The following RASSF3 variants were observed in gnomAD, a reference collection of about 807,000 sequenced individuals.
The protein encoded by RASSF3 is ras association domain-containing protein 3.
RASSF3 carries 19 observed loss-of-function variants against 19.9 expected under a neutral mutation model. That is an observed-to-expected ratio of 0.96 (90% CI 0.67 to 1.40). The LOEUF is 1.40. Ranked by LOEUF, RASSF3 falls within the 40% of genes most tolerant of loss-of-function variation. The probability of loss-of-function intolerance (pLI) is 0.00; values close to 1 mark genes in which losing one functional copy is unlikely to be tolerated. For synonymous variants in RASSF3, 110 were observed against 104.2 expected (o/e 1.06, Z -0.34); for missense variants, 306 against 289.8 (o/e 1.06, Z -0.41).
At chr12:64,600,324 C>T (rs1870071681) in intron 2 of RASSF3, among the ~76,000 whole-genome samples, 1 of 152,036 alleles carries the variant, frequency 6.6e-6, no homozygotes, top group Admixed American at 6.6e-5. Context: ...TACGCACACA[C>T]ATCACCACCA....
upstream of RASSF3, among the ~76,000 whole-genome samples, chr12:64,530,714 C>T (rs1868690877): frequency 6.6e-6 from 1 of 152,232 alleles, no homozygotes; most frequent in Admixed American, 6.5e-5. Flanking sequence ...AGTTGCTCCA[C>T]ATCCTCACCA....
intron 2 of RASSF3, among the ~76,000 whole-genome samples, chr12:64,556,732 A>C (rs1869262057): frequency 6.6e-6 from 1 of 151,322 alleles, no homozygotes; most frequent in Non-Finnish European, 1.5e-5. Flanking sequence ...CAGACTGGGG[A>C]GCAGCTCCTC....
At chr12:64,648,174 G>A (rs962460935) in intron 1 of RASSF3, among the ~76,000 whole-genome samples, 2 of 152,214 alleles carry the variant, frequency 1.3e-5, no homozygotes. Context: ...GTACATGTGT[G>A]ACAGGCATAA....
chr12:64,650,051 C>G (rs1871884563), intron 1 of RASSF3, among the ~76,000 whole-genome samples: 1 of 152,196 alleles, frequency 6.6e-6, no homozygotes. Flanking sequence ...AATTTACGCA[C>G]CAGCATTGTT....
chr12:64,683,357 G>A (rs191585356), intron 1 of RASSF3, among the ~76,000 whole-genome samples: 2 of 152,326 alleles, frequency 1.3e-5, no homozygotes, highest in Admixed American at 1.3e-4. Context: ...TTGTGATCAT[G>A]TCTGCTACTG....
chr12:64,673,020 C>T (rs1872754837), intron 1 of RASSF3, among the ~76,000 whole-genome samples: 1 of 152,212 alleles, frequency 6.6e-6, no homozygotes, highest in South Asian at 2.1e-4. Flanking sequence ...TTCGTGCTTC[C>T]TGTCTGGCTC....
chr12:64,513,499 G>A (rs916997286), intron 1 of RASSF3, among the ~76,000 whole-genome samples: 5 of 149,762 alleles, frequency 3.3e-5, no homozygotes, highest in South Asian at 2.1e-4. Flanking sequence ...ACCAAAGTCC[G>A]ATTAGAACTC....
At chr12:64,538,705 A>G (rs1327665498) in intron 1 of RASSF3, among the ~76,000 whole-genome samples, 1 of 152,208 alleles carries the variant, frequency 6.6e-6, no homozygotes, top group Non-Finnish European at 1.5e-5. Context: ...ACCAAACAGA[A>G]TTGATCATTG....
At chr12:64,667,590 G>C (rs1872569989) in intron 1 of RASSF3, among the ~76,000 whole-genome samples, 1 of 152,182 alleles carries the variant, frequency 6.6e-6, no homozygotes, top group African/African-American at 2.4e-5. Context: ...CATTTTACAA[G>C]TGTTCAAAGA....
chr12:64,546,240 G>A (rs10878191), downstream of RASSF3, among the ~76,000 whole-genome samples: 101,681 of 151,958 alleles, frequency 0.67, 34,493 homozygotes, highest in African/African-American at 0.76. Context: ...TTGCATACCC[G>A]AAGTGTGGTG....
chr12:64,511,888 A>G (rs887774768), intron 1 of RASSF3, among the ~76,000 whole-genome samples: 1 of 152,090 alleles, frequency 6.6e-6, no homozygotes, highest in African/African-American at 2.4e-5. Context: ...TTACACTAAC[A>G]ATCTTCTCTG....
intron 1 of RASSF3, among the ~76,000 whole-genome samples, chr12:64,508,930 TA>T (rs11327664): frequency 0.16 from 24,671 of 149,772 alleles, 2,915 homozygotes; most frequent in African/African-American, 0.32. Flanking sequence ...GCAATTCATT[TA>T]AAAAAAAAAG....
At chr12:64,688,517 C>T in intron 3 of RASSF3, 64 bp downstream of exon 3, 1 of 1,169,370 alleles carries the variant, frequency 8.6e-7, no homozygotes. Flanking sequence ...TTCTCATTAG[C>T]AGAGGGAAGA....
intron 1 of RASSF3, among the ~76,000 whole-genome samples, chr12:64,512,426 A>G (rs1868333714): frequency 6.6e-6 from 1 of 152,128 alleles, no homozygotes; most frequent in Non-Finnish European, 1.5e-5. Context: ...AGCCTGAGCA[A>G]CATGGTGAGG....
At chr12:64,557,026 G>A (rs572991202) in intron 2 of RASSF3, among the ~76,000 whole-genome samples, 3 of 151,912 alleles carry the variant, frequency 2.0e-5, no homozygotes, top group Non-Finnish European at 4.4e-5. Context: ...TAGTACAGAC[G>A]GGGTTTCCCC....
At chr12:64,639,468 C>CG (rs1565857980) in intron 1 of RASSF3, among the ~76,000 whole-genome samples, 2 of 145,596 alleles carry the variant, frequency 1.4e-5, no homozygotes, top group Non-Finnish European at 3.0e-5. Flanking sequence ...TTTTGCGTGG[C>CG]CTTAAAATTT....
intron 1 of RASSF3, among the ~76,000 whole-genome samples, chr12:64,675,610 C>A (rs1366002053): frequency 6.6e-6 from 1 of 152,080 alleles, no homozygotes; most frequent in Non-Finnish European, 1.5e-5. Flanking sequence ...GAAAGCATGG[C>A]CCCCCGCTGT....
At chr12:64,527,602 GA>G (rs1868615575) in intron 1 of RASSF3, among the ~76,000 whole-genome samples, 1 of 152,104 alleles carries the variant, frequency 6.6e-6, no homozygotes, top group Admixed American at 6.6e-5. Flanking sequence ...GATGCCTGGG[GA>G]ATTATTTGAT....
At chr12:64,575,429 T>C (rs930834235) in intron 2 of RASSF3, among the ~76,000 whole-genome samples, 1 of 152,124 alleles carries the variant, frequency 6.6e-6, no homozygotes, top group Admixed American at 6.6e-5. Context: ...GGTGGACACC[T>C]GTAGTCCCAG....
Sources: allele counts gnomAD v4.1 joint callset (sites outside exome capture counted in the v4.1 genomes callset), GRCh38; gene constraint gnomAD v4.1.1; transcripts MANE v1.5; gene names NCBI Gene and HGNC (gene_info 2026-07-23, HGNC 2026-07-21).